The following ZBTB20 variants were observed in gnomAD, a reference collection of about 807,000 sequenced individuals.
ZBTB20 encodes the protein zinc finger and BTB domain containing 20.
ZBTB20 carries 9 observed loss-of-function variants against 56.9 expected under a neutral mutation model. The observed-to-expected ratio is 0.16, with a 90% CI of 0.10 to 0.28. The LOEUF is 0.28. Ranked by LOEUF, ZBTB20 falls within the 10% of genes least tolerant of loss-of-function variation. The probability of loss-of-function intolerance (pLI) is 1.00; values close to 1 mark genes in which losing one functional copy is unlikely to be tolerated. For missense variants in ZBTB20, 655 were observed against 1,003.0 expected (o/e 0.65, Z 4.69); for synonymous variants, 417 against 420.7 (o/e 0.99, Z 0.11).
chr3:114,992,309 A>G (rs2078850171), intron 2 of ZBTB20, among the ~76,000 whole-genome samples: 1 of 152,062 alleles, frequency 6.6e-6, no homozygotes, highest in Non-Finnish European at 1.5e-5. Flanking sequence ...ATGCACTTCT[A>G]TAGAAAAATT....
intron 5 of ZBTB20, among the ~76,000 whole-genome samples, chr3:114,715,252 TC>T (rs1359202622): frequency 6.6e-6 from 1 of 152,220 alleles, no homozygotes; most frequent in African/African-American, 2.4e-5. Context: ...CTTGGCCATT[TC>T]CTGTAGCACA....
At chr3:114,971,995 T>A (rs2077902763) in intron 3 of ZBTB20, among the ~76,000 whole-genome samples, 1 of 150,824 alleles carries the variant, frequency 6.6e-6, no homozygotes, top group South Asian at 2.1e-4. Context: ...TTTTAAATAT[T>A]ACTGGAAATC....
intron 5 of ZBTB20, among the ~76,000 whole-genome samples, chr3:114,705,752 C>T (rs1307841729): frequency 1.3e-5 from 2 of 152,090 alleles, no homozygotes; most frequent in East Asian, 1.9e-4. Flanking sequence ...CATCCGAACA[C>T]GGAGGAATTT....
intron 2 of ZBTB20, among the ~76,000 whole-genome samples, chr3:115,051,008 C>A (rs1576653672): frequency 6.6e-6 from 1 of 152,076 alleles, no homozygotes; most frequent in South Asian, 2.1e-4. Flanking sequence ...AGCTTCAATT[C>A]CTATACTCAG....
At chr3:114,958,819 C>A (rs1199888977) in intron 3 of ZBTB20, among the ~76,000 whole-genome samples, 1 of 151,278 alleles carries the variant, frequency 6.6e-6, no homozygotes, top group African/African-American at 2.4e-5. Context: ...CCACTGCACT[C>A]CAGCCTGGCC....
At chr3:114,963,283 G>C (rs2077523308) in intron 3 of ZBTB20, among the ~76,000 whole-genome samples, 1 of 152,084 alleles carries the variant, frequency 6.6e-6, no homozygotes, top group Non-Finnish European at 1.5e-5. Flanking sequence ...TATGCTTAAT[G>C]AGAGTTGGTG....
chr3:114,558,795 A>G (rs16822951), intron 6 of ZBTB20, among the ~76,000 whole-genome samples: 25,013 of 152,076 alleles, frequency 0.16, 2,264 homozygotes, highest in South Asian at 0.25. Flanking sequence ...CTGGTTCCTG[A>G]TTCCTTCTCT....
In ZBTB20 at chr3:114,785,422, G is replaced by A. The variant is rs571172623; in HGVS notation, c.-343+15679C>T. ...TGGAGACAAATTATATTAAGAACACGGTAGCTGAAATAAAATTATTTCAGA... is the reference window on the plus strand; with the variant it reads ...TGGAGACAAATTATATTAAGAACACAGTAGCTGAAATAAAATTATTTCAGA... On this transcript the variant is annotated intron_variant, in intron 5 of 11. Transcript: ENST00000675478. Among the ~76,000 whole-genome samples the A allele has an allele frequency of 1.4e-4, 22 of 152,068 alleles. No homozygotes were observed. The South Asian group carries it at 2.3e-3, about 16-fold the overall frequency.
intron 2 of ZBTB20, among the ~76,000 whole-genome samples, chr3:115,046,198 T>C (rs2081326946): frequency 6.6e-6 from 1 of 152,188 alleles, no homozygotes; most frequent in Non-Finnish European, 1.5e-5. Context: ...CACTGAAGAC[T>C]ACCTTCAATA....
At chr3:114,738,366 C>T (rs1168259171) in intron 5 of ZBTB20, among the ~76,000 whole-genome samples, 3 of 151,452 alleles carry the variant, frequency 2.0e-5, no homozygotes, top group Non-Finnish European at 4.4e-5. Flanking sequence ...TCTTTCTCCT[C>T]TCTGACAACT....
chr3:114,823,918 C>T (rs1197028080), intron 4 of ZBTB20, among the ~76,000 whole-genome samples: 1 of 151,908 alleles, frequency 6.6e-6, no homozygotes, highest in Admixed American at 6.6e-5. Context: ...TAAACCAAAG[C>T]TGTTTTTGAA....
intron 7 of ZBTB20, among the ~76,000 whole-genome samples, chr3:114,443,136 A>T (rs1357651414): frequency 6.6e-6 from 1 of 152,186 alleles, no homozygotes; most frequent in Non-Finnish European, 1.5e-5. Flanking sequence ...GTAAAATCTA[A>T]GGACATTCAA....
intron 5 of ZBTB20, among the ~76,000 whole-genome samples, chr3:114,755,217 C>A (rs951384739): frequency 2.0e-5 from 3 of 152,132 alleles, no homozygotes; most frequent in Admixed American, 6.6e-5. Flanking sequence ...ATACAGTTCA[C>A]CTTTTCAATA....
intron 7 of ZBTB20, among the ~76,000 whole-genome samples, chr3:114,409,125 C>CTTTT (rs56339103): frequency 2.8e-5 from 2 of 71,982 alleles, no homozygotes; most frequent in African/African-American, 6.0e-5. Context: ...AAAGGGAAGA[C>CTTTT]TTTTTTTTTT....
chr3:115,012,075 G>A (rs1016615890), intron 2 of ZBTB20, among the ~76,000 whole-genome samples: 29 of 151,396 alleles, frequency 1.9e-4, no homozygotes, highest in Non-Finnish European at 3.7e-4. Flanking sequence ...TACACAAAAA[G>A]TAAAAAGCAA....
intron 4 of ZBTB20, among the ~76,000 whole-genome samples, chr3:114,878,892 T>C (rs577154886): frequency 6.6e-6 from 1 of 152,162 alleles, no homozygotes; most frequent in South Asian, 2.1e-4. Flanking sequence ...AGAAATATGG[T>C]ACACAAAAAT....
chr3:114,740,401 G>A (rs139416032), intron 5 of ZBTB20, among the ~76,000 whole-genome samples: 18 of 152,224 alleles, frequency 1.2e-4, no homozygotes, highest in African/African-American at 3.1e-4. Context: ...CTGTGGGTAC[G>A]AAAAATGCAC....
rs550878126 is a variant in ZBTB20 at position 114,389,655 on chromosome 3, C to T, written c.-254-550G>A. 1.3e-4 allele frequency among the ~76,000 whole-genome samples: 19 copies of T among 151,826 alleles called. No homozygotes were observed. In the East Asian group the frequency reaches 1.4e-3, roughly 11 times the overall value. Reference sequence around the variant, plus strand: ...CTGTAATCCCAGCACTTTGGGAGGCCGAGGTGTGAGGATCACGAGGTCAGG... The same window carrying T: ...CTGTAATCCCAGCACTTTGGGAGGCTGAGGTGTGAGGATCACGAGGTCAGG... On this transcript the variant is annotated intron_variant, in intron 7 of 11. Transcript: ENST00000675478.
At position 114,980,419 on chromosome 3, in the gene ZBTB20, T is replaced by G. The variant is rs2078279435; in HGVS notation, c.-506-6003A>C. 2.0e-5 allele frequency among the ~76,000 whole-genome samples: 3 copies of G among 150,726 alleles called. No individual in the cohort carries two copies. In the South Asian group the frequency reaches 6.2e-4, roughly 31 times the overall value. On this transcript the variant is annotated intron_variant, in intron 2 of 11. Coordinates refer to ENST00000675478, the MANE Select transcript of ZBTB20 (RefSeq NM_001348800.3). The stretch of plus-strand genomic sequence containing the variant: ...TCCATAAAACAATTATTTAAAAATC[T>G]ATTTAGCCATTTTAGTAAAAGCAAT...
Sources: allele counts gnomAD v4.1 joint callset (sites outside exome capture counted in the v4.1 genomes callset), GRCh38; gene constraint gnomAD v4.1.1; transcripts MANE v1.5; gene names NCBI Gene and HGNC (gene_info 2026-07-23, HGNC 2026-07-21).